Variants in CYP11A1 observed in about 807,000 individuals in gnomAD.
CYP11A1 encodes the protein cytochrome P450 family 11 subfamily A member 1.
Under a neutral mutation model 51.9 loss-of-function variants are expected in CYP11A1, and 25 were observed. The observed-to-expected ratio is 0.48, with a 90% CI of 0.35 to 0.67. CYP11A1 has a LOEUF of 0.67. Ranked by LOEUF, CYP11A1 falls within the 30% of genes least tolerant of loss-of-function variation. The probability of loss-of-function intolerance (pLI) is 0.00; values close to 1 mark genes in which losing one functional copy is unlikely to be tolerated. For synonymous variants in CYP11A1, 245 were observed against 262.1 expected (o/e 0.93, Z 0.63); for missense variants, 578 against 680.9 (o/e 0.85, Z 1.68).
chr15:74,366,079 A>C, intron 1 of CYP11A1: 1 of 985,406 alleles, frequency 1.0e-6, no homozygotes, highest in Non-Finnish European at 1.2e-6. Flanking sequence ...GGCTGTGTCG[A>C]GGGGAGGCGG....
In CYP11A1 at chr15:74,343,196, G is replaced by A. The variant is rs182812737; in HGVS notation, c.830-59C>T. The A allele has an allele frequency of 3.5e-5, 55 of 1,581,584 alleles. No homozygotes were observed. In the East Asian group the frequency reaches 1.1e-3, roughly 31 times the overall value. On this transcript the variant is annotated intron_variant, in intron 4 of 8. Transcript: ENST00000268053. ...TTCCCTGCAGGCGGGTGGGAAGGAG[G>A]GCAGTCTGTGGTGAAAGGTGGCACC... is the stretch of plus-strand genomic sequence containing the variant.
At chr15:74,344,960 C>T in intron 3 of CYP11A1, 84 bp downstream of exon 3, 1 of 1,257,412 alleles carries the variant, frequency 8.0e-7, no homozygotes, top group Non-Finnish European at 1.2e-6. Context: ...TCTGCAGGGT[C>T]TGTACTGAAC....
chr15:74,348,788 A>C (rs1336107919), intron 1 of CYP11A1, among the ~76,000 whole-genome samples: 1 of 152,152 alleles, frequency 6.6e-6, no homozygotes, highest in African/African-American at 2.4e-5. Context: ...GCTGGAGTGC[A>C]GTGGTGTGAT....
At chr15:74,366,408 C>T (rs1414299284) in intron 1 of CYP11A1, among the ~76,000 whole-genome samples, 5 of 151,214 alleles carry the variant, frequency 3.3e-5, no homozygotes, top group Non-Finnish European at 7.4e-5. Flanking sequence ...CTCAGCCTCC[C>T]GAGTAGCTGG....
chr15:74,342,864 C>T, intron 5 of CYP11A1, 113 bp downstream of exon 5: 1 of 1,122,728 alleles, frequency 8.9e-7, no homozygotes, highest in Non-Finnish European at 1.3e-6. Context: ...AAGACATATC[C>T]TACATGAGTA....
chr15:74,345,337 T>A lies in CYP11A1; in HGVS notation c.426-94A>T. On this transcript the variant is annotated intron_variant, in intron 2 of 8. Transcript: ENST00000268053. The surrounding 1 kb of genome is among the most constrained non-coding windows in gnomAD (Gnocchi z 4.3). ...GACTCAGTTTTCCCAGGAAGCTGAG[T>A]CACAGCTCACAGCATCCAGCACTCC... 1 of 1,322,194 alleles carries A rather than the reference T, an allele frequency of 7.6e-7. No homozygotes were observed. The highest frequency in any genetic ancestry group is 1.1e-6 in the Non-Finnish European group (1 of 932,118). The allele number at this position is 1,322,194 out of a possible 1,614,324, so 81.9% of individuals were successfully genotyped here. A position where few individuals can be genotyped will look rare whatever the true frequency, so the allele number is the denominator to read the frequency against.
chr15:74,352,356 G>A (rs897226629), intron 1 of CYP11A1, among the ~76,000 whole-genome samples: 1 of 132,466 alleles, frequency 7.5e-6, no homozygotes, highest in Non-Finnish European at 1.6e-5. Flanking sequence ...TGCAACCTCC[G>A]CCTTCTGGGT....
At chr15:74,358,507 C>T (rs2060692253) in intron 1 of CYP11A1, among the ~76,000 whole-genome samples, 1 of 152,162 alleles carries the variant, frequency 6.6e-6, no homozygotes, top group Non-Finnish European at 1.5e-5. Flanking sequence ...AAGGAAATCA[C>T]TTCTCAGGGT....
At chr15:74,353,986 G>A (rs1225195879) in intron 1 of CYP11A1, among the ~76,000 whole-genome samples, 1 of 152,118 alleles carries the variant, frequency 6.6e-6, no homozygotes, top group Admixed American at 6.5e-5. Context: ...CTTTAAGTGT[G>A]TTGAGTATAC....
At chr15:74,367,048 C>G in intron 1 of CYP11A1, 1 of 511,112 alleles carries the variant, frequency 2.0e-6, no homozygotes, top group Non-Finnish European at 3.5e-6. Flanking sequence ...AAAGAGCTTC[C>G]TTACAGATGG....
chr15:74,340,294 G>T (rs993346264), intron 5 of CYP11A1, among the ~76,000 whole-genome samples: 2 of 152,242 alleles, frequency 1.3e-5, no homozygotes, highest in Non-Finnish European at 2.9e-5. Context: ...ATTAGGGTGT[G>T]GTGTGTGTTG....
chr15:74,362,793 G>A (rs933359114), intron 1 of CYP11A1: 2 of 152,218 alleles, frequency 1.3e-5, no homozygotes, highest in African/African-American at 4.8e-5. Flanking sequence ...AAAGGGGTCT[G>A]TTATGTGCAC....
rs1268424151 is a variant in CYP11A1 at position 74,345,180 on chromosome 15, G to C, written c.489C>G (p.Ala163=). 1 of 1,614,074 alleles carries C rather than the reference G, an allele frequency of 6.2e-7. No individual in the cohort carries two copies. The highest frequency in any genetic ancestry group is 8.5e-7 in the Non-Finnish European group (1 of 1,180,036). ...ALNQEVMAPE[A]TKNFLPLLDA... ...CCAACAGGGGCAAAAAGTTCTTGGT[G>C]GCCTCTGGAGCCATCACCTCCTGGT... Residue 163 remains alanine, a synonymous_variant, in exon 3 of 9, where the codon GCC becomes GCG. Coordinates refer to ENST00000268053, the MANE Select transcript of CYP11A1 (RefSeq NM_000781.3). This position sits in a 1 kb window ranked among gnomAD's most constrained non-coding sequence, Gnocchi z 4.3.
At chr15:74,339,466 C>CT in intron 6 of CYP11A1, 121 bp downstream of exon 6, 1 of 1,467,248 alleles carries the variant, frequency 6.8e-7, no homozygotes, top group South Asian at 1.2e-5. Flanking sequence ...CTCCTCCAGA[C>CT]TTTTCACTTC....
chr15:74,360,869 C>T (rs2060705221), intron 1 of CYP11A1, among the ~76,000 whole-genome samples: 1 of 152,154 alleles, frequency 6.6e-6, no homozygotes, highest in African/African-American at 2.4e-5. Flanking sequence ...TGCCATTGCA[C>T]TCCAGCCTGG....
chr15:74,356,445 CAG>C (rs1457875869), intron 1 of CYP11A1: 2 of 152,248 alleles, frequency 1.3e-5, no homozygotes, highest in Non-Finnish European at 2.9e-5. Context: ...TGGATCATCA[CAG>C]ATGCTTTAGG....
In CYP11A1 at chr15:74,345,031, C is replaced by T. The variant is rs764579087; in HGVS notation, c.625+13G>A. The T allele has an allele frequency of 6.2e-7, 1 of 1,612,796 alleles. No individual in the cohort carries two copies. Among genetic ancestry groups the T allele is most frequent in the Non-Finnish European group, 8.5e-7 (1 of 1,178,802 alleles). On this transcript the variant is annotated intron_variant, in intron 3 of 8. Transcript: ENST00000268053. The surrounding 1 kb of genome is among the most constrained non-coding windows in gnomAD (Gnocchi z 4.3). The stretch of plus-strand genomic sequence containing the variant: ...CCCCATGCCCACTGCCAGCCAGGTG[C>T]AAGCCCCCTTACACTCAAAGGCAAA...
At chr15:74,340,912 A>G (rs1196257324) in intron 5 of CYP11A1, among the ~76,000 whole-genome samples, 1 of 152,196 alleles carries the variant, frequency 6.6e-6, no homozygotes, top group Non-Finnish European at 1.5e-5. Flanking sequence ...GAAGCCCAGA[A>G]GTCTTCCCCA....
intron 1 of CYP11A1, chr15:74,366,331 G>T: frequency 1.1e-6 from 1 of 871,572 alleles, no homozygotes; most frequent in Non-Finnish European, 1.4e-6. Context: ...TGCCCAGGGC[G>T]GGAGTGCAGT....
Sources: gnomAD v4.1 joint callset for allele counts (sites outside exome capture counted in the v4.1 genomes callset) on GRCh38, gnomAD v4.1.1 for gene constraint, Gnocchi (gnomAD v3.1) non-coding constraint, MANE v1.5 for transcripts, NCBI Gene and HGNC (gene_info 2026-07-23, HGNC 2026-07-21) for gene names.